The following GUCY1A1 variants were observed in gnomAD, a reference collection of about 807,000 sequenced individuals.
GUCY1A1 encodes the protein guanylate cyclase 1 soluble subunit alpha 1.
GUCY1A1 carries 48 observed loss-of-function variants against 64.5 expected under a neutral mutation model. The observed-to-expected ratio is 0.74, with a 90% CI of 0.59 to 0.95. The LOEUF (loss-of-function observed/expected upper bound fraction) is 0.95, where lower values mean the gene tolerates loss of function less well. Ranked by LOEUF, GUCY1A1 falls within the 40% of genes least tolerant of loss-of-function variation. GUCY1A1 has a pLI of 0.00. For missense variants in GUCY1A1, 804 were observed against 825.3 expected (o/e 0.97, Z 0.32); for synonymous variants, 308 against 303.4 (o/e 1.02, Z -0.16).
In GUCY1A1 at chr4:155,711,020, A is replaced by C; in HGVS notation, c.855A>C (p.Thr285=). The C allele has an allele frequency of 6.2e-7, 1 of 1,614,026 alleles. No individual in the cohort carries two copies. Among genetic ancestry groups the C allele is most frequent in the Non-Finnish European group, 8.5e-7 (1 of 1,179,894 alleles). ...LVIPTSLFCK[T]FPFHFMFDKD... Reference sequence around the variant, plus strand: ...TTCCCACATCGCTATTCTGCAAGACATTTCCATTCCATTTCATGTTTGACA... The same window carrying C: ...TTCCCACATCGCTATTCTGCAAGACCTTTCCATTCCATTTCATGTTTGACA... Residue 285 remains threonine (T), a synonymous_variant, in exon 6 of 10, where the codon ACA becomes ACC. Transcript: ENST00000506455.
chr4:155,728,161 A>G (rs1395029352), intron 9 of GUCY1A1, among the ~76,000 whole-genome samples: 1 of 151,934 alleles, frequency 6.6e-6, no homozygotes, highest in African/African-American at 2.4e-5. Context: ...ATAAAATGTA[A>G]ATCTAGTCAT....
At chr4:155,689,294 G>A (rs185513956) in intron 2 of GUCY1A1, among the ~76,000 whole-genome samples, 13 of 152,092 alleles carry the variant, frequency 8.5e-5, no homozygotes, top group Admixed American at 3.3e-4. Flanking sequence ...TTTTAGCAAT[G>A]TAACTATGAT....
chr4:155,702,850 C>G (rs1178489059), intron 3 of GUCY1A1, among the ~76,000 whole-genome samples: 1 of 151,996 alleles, frequency 6.6e-6, no homozygotes, highest in Non-Finnish European at 1.5e-5. Flanking sequence ...CTGGTGGAAA[C>G]TCTACAAGAG....
At chr4:155,673,656 T>G (rs2625279) in intron 2 of GUCY1A1, among the ~76,000 whole-genome samples, 25,855 of 151,216 alleles carry the variant, frequency 0.17, 2,877 homozygotes, top group Non-Finnish European at 0.23. Context: ...GTGTTTGATG[T>G]GTGTGTGTGT....
chr4:155,700,908 T>G (rs938518745), intron 3 of GUCY1A1, among the ~76,000 whole-genome samples: 11 of 152,200 alleles, frequency 7.2e-5, no homozygotes, highest in South Asian at 2.1e-4. Flanking sequence ...TTCTAAAATC[T>G]GAAACCAAAA....
chr4:155,674,820 A>G (rs996541496), intron 2 of GUCY1A1, among the ~76,000 whole-genome samples: 1 of 151,702 alleles, frequency 6.6e-6, no homozygotes, highest in Non-Finnish European at 1.5e-5. Flanking sequence ...CTCTAAAATA[A>G]CAATAAAAGG....
At chr4:155,708,643 C>CA (rs1732126512) in intron 5 of GUCY1A1, among the ~76,000 whole-genome samples, 2 of 152,058 alleles carry the variant, frequency 1.3e-5, no homozygotes, top group South Asian at 4.2e-4. Flanking sequence ...AGGTTAGGAG[C>CA]AGTCATGGGA....
intron 2 of GUCY1A1, among the ~76,000 whole-genome samples, chr4:155,669,806 A>C (rs1318442131): frequency 6.6e-6 from 1 of 152,188 alleles, no homozygotes; most frequent in Middle Eastern, 3.2e-3. Context: ...ATTTTTTCAG[A>C]AACTATACAA....
At chr4:155,721,797 A>T (rs1733985002) in intron 8 of GUCY1A1, among the ~76,000 whole-genome samples, 1 of 152,168 alleles carries the variant, frequency 6.6e-6, no homozygotes, top group Non-Finnish European at 1.5e-5. Context: ...GACAGACACA[A>T]TTAAGATGGT....
intron 8 of GUCY1A1, among the ~76,000 whole-genome samples, chr4:155,721,468 T>C (rs1240642641): frequency 6.6e-6 from 1 of 152,146 alleles, no homozygotes; most frequent in Non-Finnish European, 1.5e-5. Flanking sequence ...TACCTTCCAC[T>C]TTCTGCTTCC....
At chr4:155,690,283 C>A (rs560456545) in intron 2 of GUCY1A1, among the ~76,000 whole-genome samples, 1 of 152,226 alleles carries the variant, frequency 6.6e-6, no homozygotes, top group African/African-American at 2.4e-5. Flanking sequence ...TCCCCACACC[C>A]AGTCAGTAGC....
At chr4:155,677,068 A>T (rs1735054274) in intron 2 of GUCY1A1, among the ~76,000 whole-genome samples, 1 of 146,906 alleles carries the variant, frequency 6.8e-6, no homozygotes, top group Non-Finnish European at 1.5e-5. Context: ...AGGAACTAGG[A>T]TTGGATTGTT....
intron 2 of GUCY1A1, among the ~76,000 whole-genome samples, chr4:155,694,841 G>A (rs1263905039): frequency 6.6e-6 from 1 of 152,212 alleles, no homozygotes; most frequent in East Asian, 1.9e-4. Flanking sequence ...ATTATGTTGA[G>A]ATGTAGTAAA....
chr4:155,674,554 T>A (rs1482786181), intron 2 of GUCY1A1, among the ~76,000 whole-genome samples: 1 of 151,514 alleles, frequency 6.6e-6, no homozygotes, highest in African/African-American at 2.5e-5. Flanking sequence ...TAAAATTTAT[T>A]TCTTTTTACA....
chr4:155,688,897 G>A (rs1242376257), intron 2 of GUCY1A1, among the ~76,000 whole-genome samples: 1 of 151,756 alleles, frequency 6.6e-6, no homozygotes, highest in East Asian at 1.9e-4. Context: ...TTGACCTAAG[G>A]GGAAAAAAGT....
chr4:155,682,721 TGTG>T (rs1170393043), intron 2 of GUCY1A1, among the ~76,000 whole-genome samples: 1 of 151,742 alleles, frequency 6.6e-6, no homozygotes, highest in East Asian at 1.9e-4. Flanking sequence ...TGTGTGTGTG[TGTG>T]TGTGTATATA....
intron 2 of GUCY1A1, among the ~76,000 whole-genome samples, chr4:155,690,639 A>C (rs2126689398): frequency 6.6e-6 from 1 of 152,286 alleles, no homozygotes; most frequent in Admixed American, 6.5e-5. Flanking sequence ...TGTTCCTAGA[A>C]CATTGGCTCC....
At chr4:155,707,838 TC>T (rs1275289262) in intron 4 of GUCY1A1, among the ~76,000 whole-genome samples, 86 of 131,564 alleles carry the variant, frequency 6.5e-4, no homozygotes, top group Middle Eastern at 3.8e-3. Context: ...TTTCTTTCTT[TC>T]TTTTTTTTTT....
At position 155,736,340 on chromosome 4, in the gene GUCY1A1, T is replaced by C. The variant is rs962473035; in HGVS notation, c.*6109T>C. On this transcript the variant is annotated 3_prime_UTR_variant, in exon 10 of 10. Coordinates refer to ENST00000506455, the MANE Select transcript of GUCY1A1 (RefSeq NM_001130682.3). The stretch of plus-strand genomic sequence containing the variant: ...CTAGTGGGTCTTCACTTTTATTGCT[T>C]TGAGAAATGGATAAAAGACATAGAC... The C allele has an allele frequency of 2.0e-5, 3 of 151,892 alleles. No homozygotes were observed. The highest frequency in any genetic ancestry group is 2.4e-5 in the African/African-American group (1 of 41,370). 9.4% of individuals were successfully genotyped at this position (151,892 alleles called of 1,614,324 possible). A position where few individuals can be genotyped will look rare whatever the true frequency, so the allele number is the denominator to read the frequency against.
Sources: gnomAD v4.1 joint callset for allele counts (sites outside exome capture counted in the v4.1 genomes callset) on GRCh38, gnomAD v4.1.1 for gene constraint, MANE v1.5 for transcripts, NCBI Gene and HGNC (gene_info 2026-07-23, HGNC 2026-07-21) for gene names.